COL10A1: variants seen among roughly 807,000 people sequenced by gnomAD.
COL10A1 encodes the protein collagen alpha-1(X) chain.
In COL10A1, 10 loss-of-function variants were observed where a neutral mutation model predicts 18.2. The ratio of observed to expected loss-of-function variants is 0.55; its 90% CI spans 0.34 to 0.93. The LOEUF (loss-of-function observed/expected upper bound fraction) is 0.93. Ranked by LOEUF, COL10A1 falls within the 40% of genes least tolerant of loss-of-function variation. The pLI, the probability that COL10A1 is intolerant of heterozygous loss-of-function variation, is 0.02. For synonymous variants in COL10A1, 330 were observed against 316.6 expected (o/e 1.04, Z -0.45); for missense variants, 897 against 853.5 (o/e 1.05, Z -0.64).
At chr6:116,194,574 G>T in the COL10A1 span, among the ~76,000 whole-genome samples, 3 of 151,946 alleles carry the variant, frequency 2.0e-5, no homozygotes, top group Admixed American at 2.0e-4. Context: ...GCAGTGGCCA[G>T]TAAAAGAATA....
intron 1 of COL10A1, among the ~76,000 whole-genome samples, chr6:116,145,159 C>G (rs1219258053): frequency 6.6e-6 from 1 of 152,098 alleles, no homozygotes; most frequent in Non-Finnish European, 1.5e-5. Flanking sequence ...TTAAACTCTC[C>G]TCCTCACTCT....
At chr6:116,131,044 T>C (rs1484757352), upstream of COL10A1, among the ~76,000 whole-genome samples, 13 of 152,216 alleles carry the variant, frequency 8.5e-5, no homozygotes, top group African/African-American at 3.1e-4. Context: ...TTTTTATGAA[T>C]GCTCTTTTTA....
the COL10A1 span, among the ~76,000 whole-genome samples, chr6:116,201,498 T>TG: frequency 6.6e-6 from 1 of 152,054 alleles, no homozygotes; most frequent in Admixed American, 6.6e-5. Context: ...CAGTGACTTA[T>TG]GGGACTGCCT....
At chr6:116,182,789 C>T in the COL10A1 span, among the ~76,000 whole-genome samples, 1 of 151,920 alleles carries the variant, frequency 6.6e-6, no homozygotes, top group Non-Finnish European at 1.5e-5. Flanking sequence ...GATATTACTC[C>T]TTTGTTGGAT....
the COL10A1 span, among the ~76,000 whole-genome samples, chr6:116,184,747 C>A: frequency 6.6e-6 from 1 of 152,148 alleles, no homozygotes; most frequent in Non-Finnish European, 1.5e-5. Flanking sequence ...TGTTTCATTT[C>A]TAATTGAGCT....
intron 1 of COL10A1, among the ~76,000 whole-genome samples, chr6:116,144,652 T>A (rs1779850680): frequency 6.6e-6 from 1 of 152,204 alleles, no homozygotes; most frequent in Non-Finnish European, 1.5e-5. Flanking sequence ...GTAAACGGAC[T>A]CTTAGATTTT....
At chr6:116,201,708 G>A in the COL10A1 span, among the ~76,000 whole-genome samples, 1 of 152,084 alleles carries the variant, frequency 6.6e-6, no homozygotes, top group South Asian at 2.1e-4. Flanking sequence ...GACATGTGAG[G>A]TCATGGGCAA....
chr6:116,143,244 C>T (rs1335669304), intron 1 of COL10A1, among the ~76,000 whole-genome samples: 1 of 152,090 alleles, frequency 6.6e-6, no homozygotes, highest in Non-Finnish European at 1.5e-5. Flanking sequence ...CAGAGTCTTG[C>T]TCTGTCGCCA....
intron 1 of COL10A1, among the ~76,000 whole-genome samples, chr6:116,157,832 T>C (rs554890923): frequency 6.6e-6 from 1 of 152,326 alleles, no homozygotes; most frequent in African/African-American, 2.4e-5. Context: ...ACTCACCTAT[T>C]CAGGATCCTT....
At chr6:116,134,010 T>C (rs1322252867) in intron 1 of COL10A1, among the ~76,000 whole-genome samples, 5 of 152,232 alleles carry the variant, frequency 3.3e-5, no homozygotes, top group Non-Finnish European at 5.9e-5. Context: ...TTGCCACTTA[T>C]GATGCTAATC....
Position 116,121,382 on chromosome 6 carries a change from G to C in COL10A1, c.734C>G (p.Pro245Arg), listed in dbSNP as rs1412819049. Residue 245 changes from proline (P) to arginine (R), a missense_variant, in exon 3 of 3, where the codon CCA becomes CGA. Coordinates refer to ENST00000651968, the MANE Select transcript of COL10A1 (RefSeq NM_000493.4). ...GCCTTGGGGACCTGGTGGGCCAATT[G>C]GTCCCATTTCTCCCGGAAAACCTCT... ...GDRGFPGEMG[P>R]IGPPGPQGPP... 6.2e-7 allele frequency: 1 copy of C among 1,614,068 alleles called. No homozygotes were observed. The highest frequency in any genetic ancestry group is 8.5e-7 in the Non-Finnish European group (1 of 1,180,012).
In COL10A1 at chr6:116,135,879, A is replaced by G. The variant is rs567997957; in HGVS notation, c.-15-10372T>C. 9.6e-5 allele frequency among the ~76,000 whole-genome samples: 14 copies of G among 146,214 alleles called. No homozygotes were observed. In the East Asian group the frequency reaches 2.8e-3, roughly 30 times the overall value. On this transcript the variant is annotated intron_variant, in intron 1 of 1. Transcript: ENST00000418500. ...TATATATATATATATATATACACAC[A>G]TACACACACATTGCTAAATGGTTAC...
Position 116,120,522 on chromosome 6 carries a change from G to A in COL10A1, c.1594C>T (p.Pro532Ser). ...ACAAGAGGGGTCCCAGAAAGACTGG[G>A]CCTTTGGCCTGCCTTTATAAAACCC... ...PEGFIKAGQR[P>S]SLSGTPLVSA... The change falls in exon 3 of 3, where the codon CCC becomes TCC. Residue 532 changes from proline to serine, a missense_variant. Physicochemically the swap from Pro to Ser is moderately conservative, Grantham distance 74. Coordinates refer to ENST00000651968, the MANE Select transcript of COL10A1 (RefSeq NM_000493.4). 1.2e-6 allele frequency: 2 copies of A among 1,614,122 alleles called. No individual in the cohort carries two copies. Among genetic ancestry groups the A allele is most frequent in the East Asian group, 2.2e-5 (1 of 44,878 alleles).
At chr6:116,175,608 C>T in the COL10A1 span, among the ~76,000 whole-genome samples, 6 of 152,126 alleles carry the variant, frequency 3.9e-5, no homozygotes, top group East Asian at 1.9e-4. Context: ...CCTTCTCCCC[C>T]GACACAGTTT....
Position 116,119,772 on chromosome 6 carries a change from T to A in COL10A1, c.*301A>T. On this transcript the variant is annotated 3_prime_UTR_variant, in exon 3 of 3. Transcript: ENST00000651968. Reference sequence around the variant, plus strand: ...TTTTTTTTTAATTTTTTTTTTGTTGTTTGTTTTTTGTTGTTTGTTTTTAAC... The same window carrying A: ...TTTTTTTTTAATTTTTTTTTTGTTGATTGTTTTTTGTTGTTTGTTTTTAAC... 4.0e-6 allele frequency: 1 copy of A among 250,720 alleles called. No homozygotes were observed. 15.5% of individuals were successfully genotyped at this position (250,720 alleles called of 1,614,324 possible).
At chr6:116,193,068 TCC>T in the COL10A1 span, among the ~76,000 whole-genome samples, 3 of 152,118 alleles carry the variant, frequency 2.0e-5, no homozygotes, top group Non-Finnish European at 4.4e-5. Context: ...ACAGAATAGC[TCC>T]GTGCCTTACA....
At chr6:116,190,927 C>T in the COL10A1 span, among the ~76,000 whole-genome samples, 2 of 151,896 alleles carry the variant, frequency 1.3e-5, no homozygotes, top group East Asian at 3.9e-4. Flanking sequence ...AGGATGAATA[C>T]AAGGAAATCC....
chr6:116,164,083 G>T, the COL10A1 span, among the ~76,000 whole-genome samples: 1 of 152,136 alleles, frequency 6.6e-6, no homozygotes, highest in Non-Finnish European at 1.5e-5. Flanking sequence ...GTTGTTGGGT[G>T]GAATGTTCTT....
chr6:116,195,744 G>C, the COL10A1 span, among the ~76,000 whole-genome samples: 1 of 151,982 alleles, frequency 6.6e-6, no homozygotes. Flanking sequence ...AGTGTAGGCA[G>C]ATTTAGATCA....
Sources: allele counts gnomAD v4.1 joint callset (sites outside exome capture counted in the v4.1 genomes callset), GRCh38; gene constraint gnomAD v4.1.1; transcripts MANE v1.5; gene names NCBI Gene and HGNC (gene_info 2026-07-23, HGNC 2026-07-21).